VPS13B: variants seen among roughly 807,000 people sequenced by gnomAD.
VPS13B encodes vacuolar protein sorting 13 homolog B, also known as intermembrane lipid transfer protein VPS13B.
In VPS13B, 285 loss-of-function variants were observed where a neutral mutation model predicts 426.4. The ratio of observed to expected loss-of-function variants is 0.67; its 90% CI spans 0.61 to 0.74. The LOEUF is 0.74. Among genes scored for constraint, VPS13B ranks in the 30% least tolerant of loss-of-function variants. The probability of loss-of-function intolerance (pLI) is 0.00; values close to 1 mark genes in which losing one functional copy is unlikely to be tolerated. For synonymous variants in VPS13B, 1,676 were observed against 1,676.4 expected (o/e 1.00, Z 0.01); for missense variants, 4,537 against 4,782.6 (o/e 0.95, Z 1.51).
At chr8:99,057,714 A>T (rs968893834) in intron 3 of VPS13B, among the ~76,000 whole-genome samples, 1 of 152,150 alleles carries the variant, frequency 6.6e-6, no homozygotes, top group Non-Finnish European at 1.5e-5. Context: ...TTAAACCTCA[A>T]ATCCTTTCCT....
intron 35 of VPS13B, among the ~76,000 whole-genome samples, chr8:99,678,096 T>C (rs900236634): frequency 6.6e-6 from 1 of 152,222 alleles, no homozygotes; most frequent in Admixed American, 6.5e-5. Flanking sequence ...TATTTAAACA[T>C]GTTCACAGTA....
chr8:99,020,307 T>C (rs1841822462), intron 2 of VPS13B, among the ~76,000 whole-genome samples: 1 of 152,212 alleles, frequency 6.6e-6, no homozygotes, highest in South Asian at 2.1e-4. Flanking sequence ...ATTTGAGTCC[T>C]TTGCCCAATT....
chr8:99,375,096 A>G (rs1322261523), intron 19 of VPS13B, among the ~76,000 whole-genome samples: 1 of 152,184 alleles, frequency 6.6e-6, no homozygotes, highest in Non-Finnish European at 1.5e-5. Flanking sequence ...CTCATGAACA[A>G]TTGATCGACA....
Position 99,848,889 on chromosome 8 carries a change from C to T in VPS13B, c.10056C>T (p.Thr3352=), listed in dbSNP as rs2130902671. Residue 3352 remains threonine, a synonymous_variant, in exon 55 of 62, where the codon ACC becomes ACT. Transcript: ENST00000357162. The stretch of plus-strand genomic sequence containing the variant: ...AAGCAGGACCTATTTTAACCAATAC[C>T]AACAGGTAGGTTTAATTATTTTCCC... The part of the protein sequence containing the change: ...EGKAGPILTN[T]NRAPEKIVTF... 1 of 1,612,996 alleles carries T rather than the reference C, an allele frequency of 6.2e-7. No homozygotes were observed. The highest frequency in any genetic ancestry group is 8.5e-7 in the Non-Finnish European group (1 of 1,178,984).
intron 33 of VPS13B, among the ~76,000 whole-genome samples, chr8:99,595,164 G>T (rs1036891692): frequency 6.6e-6 from 1 of 151,688 alleles, no homozygotes; most frequent in Admixed American, 6.6e-5. Flanking sequence ...ATATTTTTTT[G>T]AACTATTTGT....
intron 14 of VPS13B, among the ~76,000 whole-genome samples, chr8:99,151,825 C>A (rs375357917): frequency 1.3e-5 from 2 of 152,072 alleles, no homozygotes; most frequent in East Asian, 3.9e-4. Context: ...GAGCTACCAC[C>A]GCACCTGGCC....
intron 33 of VPS13B, among the ~76,000 whole-genome samples, chr8:99,625,494 C>T (rs556421678): frequency 3.3e-5 from 5 of 152,174 alleles, no homozygotes; most frequent in South Asian, 2.1e-4. Flanking sequence ...GGGAGGATTA[C>T]GTGAGTCCAG....
Position 99,871,694 on chromosome 8 carries a change from G to A in VPS13B, c.11742G>A (p.Val3914=), listed in dbSNP as rs1032955226. Residue 3914 remains valine, a synonymous_variant, in exon 61 of 62, where the codon GTG becomes GTA. Coordinates refer to ENST00000357162, the MANE Select transcript of VPS13B (RefSeq NM_152564.5). ...QLKQPRVACD[V]EVDGVRERLS... Reference sequence around the variant, plus strand: ...AGCAGCCAAGAGTGGCCTGTGATGTGGAGGTACGTTTCAGAAAACAGGGCA... The same window carrying A: ...AGCAGCCAAGAGTGGCCTGTGATGTAGAGGTACGTTTCAGAAAACAGGGCA... 6.2e-7 allele frequency: 1 copy of A among 1,613,550 alleles called. No individual in the cohort carries two copies.
intron 19 of VPS13B, among the ~76,000 whole-genome samples, chr8:99,360,463 G>A (rs983551731): frequency 2.6e-5 from 4 of 151,354 alleles, no homozygotes; most frequent in Non-Finnish European, 5.9e-5. Context: ...ATTTTTAGTA[G>A]AGACGGGGTT....
intron 17 of VPS13B, among the ~76,000 whole-genome samples, chr8:99,266,170 A>G (rs916896734): frequency 4.6e-5 from 7 of 152,056 alleles, no homozygotes; most frequent in Admixed American, 3.9e-4. Context: ...GGTCTCAGTG[A>G]GTCTTAAAGA....
At position 99,354,266 on chromosome 8, in the gene VPS13B, C is replaced by CTTTT. The variant is rs71273176; in HGVS notation, c.2825-29906_2825-29903dup. Among the ~76,000 whole-genome samples the CTTTT allele has an allele frequency of 1.8e-3, 39 of 22,184 alleles. 4 individuals carry two copies. Among genetic ancestry groups the CTTTT allele is most frequent in the African/African-American group, 2.8e-3 (18 of 6,496 alleles). The allele number at this position is 22,184 out of a possible 152,430, so 14.6% of individuals were successfully genotyped here. On this transcript the variant is annotated intron_variant, in intron 19 of 61. Coordinates refer to ENST00000357162, the MANE Select transcript of VPS13B (RefSeq NM_152564.5). ...TTCTACTGTAGCCCCCTCCCCCTGC[C>CTTTT]TTTTTTTTTTTTTTTTTTTTTTTTT...
At chr8:99,171,236 G>C (rs891230902) in intron 16 of VPS13B, among the ~76,000 whole-genome samples, 2 of 151,738 alleles carry the variant, frequency 1.3e-5, no homozygotes, top group Non-Finnish European at 2.9e-5. Context: ...ATGTTATATA[G>C]AGATAGATTT....
chr8:99,785,145 T>A lies in VPS13B; in HGVS notation c.7941+669T>A. ...CTTTAGATGGGAATAATTAGAGATATGTGTCCTGTAGCGATAATATGAAGA... is the reference window on the plus strand; with the variant it reads ...CTTTAGATGGGAATAATTAGAGATAAGTGTCCTGTAGCGATAATATGAAGA... On this transcript the variant is annotated intron_variant, in intron 43 of 61. Coordinates refer to ENST00000357162, the MANE Select transcript of VPS13B (RefSeq NM_152564.5). Among the ~76,000 whole-genome samples, 2 of 152,172 alleles carry A rather than the reference T, an allele frequency of 1.3e-5. 1 individual carries two copies. Among genetic ancestry groups the A allele is most frequent in the Non-Finnish European group, 2.9e-5 (2 of 68,010 alleles).
intron 39 of VPS13B, among the ~76,000 whole-genome samples, chr8:99,766,317 C>T (rs1811223890): frequency 1.3e-5 from 2 of 152,106 alleles, no homozygotes. Flanking sequence ...CTCCTGACCT[C>T]AGGTGATCTG....
In VPS13B at chr8:99,349,034, T is replaced by G. The variant is rs576982768; in HGVS notation, c.2825-35174T>G. On this transcript the variant is annotated intron_variant, in intron 19 of 61. Coordinates refer to ENST00000357162, the MANE Select transcript of VPS13B (RefSeq NM_152564.5). ...TATTTTTAAAGGATATGAGATATTTTTTATATTTGAAAATAGCGGCCGGGC... is the reference window on the plus strand; with the variant it reads ...TATTTTTAAAGGATATGAGATATTTGTTATATTTGAAAATAGCGGCCGGGC... Among the ~76,000 whole-genome samples, 4 of 152,228 alleles carry G rather than the reference T, an allele frequency of 2.6e-5. No homozygotes were observed. In the East Asian group the frequency reaches 7.7e-4, roughly 29 times the overall value.
chr8:99,134,965 A>AT, intron 9 of VPS13B, 50 bp from the exon 10 acceptor site: 1 of 1,608,922 alleles, frequency 6.2e-7, no homozygotes, highest in Non-Finnish European at 8.5e-7. Flanking sequence ...AGCCTCTAAC[A>AT]TTTTTATTAA....
intron 23 of VPS13B, among the ~76,000 whole-genome samples, chr8:99,458,246 C>A (rs1051313729): frequency 2.0e-5 from 3 of 152,158 alleles, no homozygotes; most frequent in Admixed American, 1.3e-4. Flanking sequence ...AGGACATGAA[C>A]TCATCATTTT....
chr8:99,563,208 A>C (rs559310823), intron 31 of VPS13B, among the ~76,000 whole-genome samples: 1 of 152,238 alleles, frequency 6.6e-6, no homozygotes, highest in East Asian at 1.9e-4. Flanking sequence ...TTGAATGTCT[A>C]GTGTATGCCA....
intron 33 of VPS13B, among the ~76,000 whole-genome samples, chr8:99,583,058 G>A (rs548081786): frequency 2.5e-4 from 38 of 152,120 alleles, no homozygotes; most frequent in African/African-American, 8.2e-4. Flanking sequence ...ATAATTCCTC[G>A]CAATTTAATT....
Sources: allele counts gnomAD v4.1 joint callset (sites outside exome capture counted in the v4.1 genomes callset), GRCh38; gene constraint gnomAD v4.1.1; transcripts MANE v1.5; gene names NCBI Gene and HGNC (gene_info 2026-07-23, HGNC 2026-07-21).